The following ANKRD13C variants were observed in gnomAD, a reference collection of about 807,000 sequenced individuals.
ANKRD13C encodes ankyrin repeat domain 13C.
ANKRD13C carries 16 observed loss-of-function variants against 65.5 expected under a neutral mutation model. The observed-to-expected ratio is 0.24, with a 90% CI of 0.17 to 0.37. ANKRD13C has a LOEUF of 0.37. Among genes scored for constraint, ANKRD13C ranks in the 10% least tolerant of loss-of-function variants. The pLI, the probability that ANKRD13C is intolerant of heterozygous loss-of-function variation, is 1.00. For missense variants in ANKRD13C, 503 were observed against 655.9 expected (o/e 0.77, Z 2.55); for synonymous variants, 235 against 238.7 (o/e 0.98, Z 0.14).
chr1:70,319,802 T>C (rs556475097), intron 3 of ANKRD13C, among the ~76,000 whole-genome samples: 1 of 152,116 alleles, frequency 6.6e-6, no homozygotes, highest in Non-Finnish European at 1.5e-5. Context: ...TTTCCACTCA[T>C]CTGTTTCCCC....
chr1:70,332,158 C>T (rs1681846269), intron 2 of ANKRD13C, among the ~76,000 whole-genome samples: 1 of 152,154 alleles, frequency 6.6e-6, no homozygotes, highest in Admixed American at 6.5e-5. Flanking sequence ...ATACATCCCA[C>T]AGAACTGTAA....
intron 10 of ANKRD13C, among the ~76,000 whole-genome samples, 190 bp from the exon 11 acceptor site, chr1:70,275,008 T>C (rs1247328054): frequency 6.6e-6 from 1 of 152,190 alleles, no homozygotes; most frequent in African/African-American, 2.4e-5. Flanking sequence ...TAAAAAAGAA[T>C]AGCAAAGAGT....
intron 1 of ANKRD13C, among the ~76,000 whole-genome samples, chr1:70,344,593 T>C (rs1007625575): frequency 1.3e-5 from 2 of 152,122 alleles, no homozygotes; most frequent in African/African-American, 4.8e-5. Context: ...AATAATCCTA[T>C]GAAACAAATA....
At chr1:70,300,987 C>G in intron 6 of ANKRD13C, 79 bp from the exon 7 acceptor site, 1 of 1,456,190 alleles carries the variant, frequency 6.9e-7, no homozygotes, top group South Asian at 1.4e-5. Flanking sequence ...TAAGCTGTTC[C>G]TTTTAAACTC....
chr1:70,274,695 C>T, intron 11 of ANKRD13C, 25 bp downstream of exon 11: 1 of 1,500,230 alleles, frequency 6.7e-7, no homozygotes, highest in Non-Finnish European at 9.3e-7. Flanking sequence ...CTTTCATAAA[C>T]ATTTGTAGTT....
chr1:70,345,308 A>C (rs779003632), intron 1 of ANKRD13C, among the ~76,000 whole-genome samples: 1 of 152,040 alleles, frequency 6.6e-6, no homozygotes, highest in African/African-American at 2.4e-5. Context: ...ACATGCCTGA[A>C]ATCCCAGCTA....
At chr1:70,300,007 A>G (rs1680277113) in intron 7 of ANKRD13C, among the ~76,000 whole-genome samples, 1 of 152,226 alleles carries the variant, frequency 6.6e-6, no homozygotes, top group Non-Finnish European at 1.5e-5. Context: ...TGAAGAGGGA[A>G]AGGACAGAGA....
chr1:70,310,581 G>C (rs907370044), intron 5 of ANKRD13C, among the ~76,000 whole-genome samples: 1 of 152,178 alleles, frequency 6.6e-6, no homozygotes, highest in Admixed American at 6.5e-5. Flanking sequence ...ATAATGTATT[G>C]TTTATAACTA....
chr1:70,282,239 T>C (rs1490579606), intron 9 of ANKRD13C, among the ~76,000 whole-genome samples: 2 of 151,244 alleles, frequency 1.3e-5, no homozygotes. Flanking sequence ...TATTTTTTAG[T>C]AGGGACGGGG....
At chr1:70,337,146 A>AAC (rs58715407) in intron 1 of ANKRD13C, among the ~76,000 whole-genome samples, 54,604 of 145,226 alleles carry the variant, frequency 0.38, 10,441 homozygotes, top group Middle Eastern at 0.46. Context: ...CCATGATTCA[A>AAC]ACACACACAC....
Position 70,302,501 on chromosome 1 carries a change from C to T in ANKRD13C, c.777-1593G>A, listed in dbSNP as rs1173870962. ...CAGCACTTTGGGAGGCCAAGGCGGG[C>T]GGATCACGAGGTCAGGAGATCGAGA... On this transcript the variant is annotated intron_variant, in intron 6 of 12. Coordinates refer to ENST00000370944, the MANE Select transcript of ANKRD13C (RefSeq NM_030816.5). 2.7e-5 allele frequency among the ~76,000 whole-genome samples: 3 copies of T among 110,654 alleles called. 1 individual carries two copies. Among genetic ancestry groups the T allele is most frequent in the African/African-American group, 7.9e-5 (2 of 25,268 alleles). The allele number at this position is 110,654 out of a possible 152,430, so 72.6% of individuals were successfully genotyped here. A position where few individuals can be genotyped will look rare whatever the true frequency, so the allele number is the denominator to read the frequency against.
intron 9 of ANKRD13C, among the ~76,000 whole-genome samples, chr1:70,288,911 C>A (rs570816807): frequency 6.6e-6 from 1 of 152,190 alleles, no homozygotes; most frequent in South Asian, 2.1e-4. Context: ...TACATGGAAT[C>A]CCTGTATGAT....
chr1:70,287,843 C>A lies in ANKRD13C; in HGVS notation c.1215+4545G>T, dbSNP rs77463246. ...GCAACATGGTGAGACCTTGTCTCTACAAAAAAATAAAAAATAAAAATAAAA... is the reference window on the plus strand; with the variant it reads ...GCAACATGGTGAGACCTTGTCTCTAAAAAAAAATAAAAAATAAAAATAAAA... On this transcript the variant is annotated intron_variant, in intron 9 of 12. Coordinates refer to ENST00000370944, the MANE Select transcript of ANKRD13C (RefSeq NM_030816.5). Among the ~76,000 whole-genome samples the A allele has an allele frequency of 1.9e-4, 29 of 151,710 alleles. No homozygotes were observed. In the East Asian group the frequency reaches 3.7e-3, roughly 19 times the overall value.
rs751170969 is a variant in ANKRD13C, at chr1:70,262,740, G to T, written c.1603C>A (p.Pro535Thr). 1 of 1,612,192 alleles carries T rather than the reference G, an allele frequency of 6.2e-7. No homozygotes were observed. Among genetic ancestry groups the T allele is most frequent in the Admixed American group, 1.7e-5 (1 of 59,942 alleles). ...AGTTAAAGATCAGGAAAACGGCTTGGGTCTTCCTTGTAGTCATCAGGTATA... is the reference window on the plus strand; with the variant it reads ...AGTTAAAGATCAGGAAAACGGCTTGTGTCTTCCTTGTAGTCATCAGGTATA... ...FTIPDDYKED[P>T]SRFPDL The change falls in exon 13 of 13, where the codon CCA becomes ACA. Residue 535 changes from proline to threonine, a missense_variant. This residue lies in a region of ANKRD13C where 300 missense variants were observed against 478.3 expected (regional missense o/e 0.63). Coordinates refer to ENST00000370944, the MANE Select transcript of ANKRD13C (RefSeq NM_030816.5).
At chr1:70,327,204 A>G (rs1231213071) in intron 2 of ANKRD13C, among the ~76,000 whole-genome samples, 1 of 152,226 alleles carries the variant, frequency 6.6e-6, no homozygotes, top group Non-Finnish European at 1.5e-5. Flanking sequence ...CTTAGTGGCA[A>G]TTAATGATGA....
At position 70,346,138 on chromosome 1, in the gene ANKRD13C, C is replaced by G. The variant is rs143413673; in HGVS notation, c.430+7841G>C. On this transcript the variant is annotated intron_variant, in intron 1 of 12. Coordinates refer to ENST00000370944, the MANE Select transcript of ANKRD13C (RefSeq NM_030816.5). ...TGAGCCACTGTGCCTGGCTTCCCCA[C>G]TCAGTTTAACAATGCTTTCCCTTAT... Among the ~76,000 whole-genome samples, 857 of 152,070 alleles carry G rather than the reference C, an allele frequency of 5.6e-3. 9 individuals carry two copies. The highest frequency in any genetic ancestry group is 0.024 in the Middle Eastern group (7 of 294).
chr1:70,338,487 G>A (rs182769416), intron 1 of ANKRD13C, among the ~76,000 whole-genome samples: 1 of 152,044 alleles, frequency 6.6e-6, no homozygotes, highest in Admixed American at 6.6e-5. Context: ...TGCAACCTCC[G>A]CTCCCGGGTT....
chr1:70,351,688 C>A (rs939577993), intron 1 of ANKRD13C, among the ~76,000 whole-genome samples: 1 of 152,272 alleles, frequency 6.6e-6, no homozygotes, highest in East Asian at 1.9e-4. Flanking sequence ...GTGTGAGCCA[C>A]CGCACCTGGC....
chr1:70,283,185 T>C (rs1393630029), intron 9 of ANKRD13C, among the ~76,000 whole-genome samples: 1 of 152,180 alleles, frequency 6.6e-6, no homozygotes, highest in African/African-American at 2.4e-5. Context: ...CAAAGTCCTT[T>C]ATTATATACT....
Sources: allele counts gnomAD v4.1 joint callset (sites outside exome capture counted in the v4.1 genomes callset), GRCh38; gene constraint gnomAD v4.1.1; regional missense constraint gnomAD v4.1.1; transcripts MANE v1.5; gene names NCBI Gene and HGNC (gene_info 2026-07-23, HGNC 2026-07-21).